The following ADGRG4 variants were observed in gnomAD, a reference collection of about 807,000 sequenced individuals.
ADGRG4 encodes adhesion G protein-coupled receptor G4.
A neutral mutation model predicts 126.2 loss-of-function variants in ADGRG4; 122 were observed. The ratio of observed to expected loss-of-function variants is 0.97; its 90% confidence interval spans 0.83 to 1.12. The LOEUF (loss-of-function observed/expected upper bound fraction) is 1.12, where lower values mean the gene tolerates loss of function less well. Ranked by LOEUF, ADGRG4 falls within the 50% of genes most tolerant of loss-of-function variation. The pLI is 0.00. For synonymous variants in ADGRG4, 943 were observed against 838.7 expected (o/e 1.12, Z -2.15); for missense variants, 2,481 against 2,251.8 (o/e 1.10, Z -2.06).
At chrX:136,379,056 A>G (rs180740853) in intron 15 of ADGRG4, among the ~76,000 whole-genome samples, 18 of 111,771 alleles carry the variant, frequency 1.6e-4, no homozygotes, top group Middle Eastern at 4.6e-3. Flanking sequence ...TTTGTGTAAC[A>G]TTGCTGTCAT....
intron 6 of ADGRG4, among the ~76,000 whole-genome samples, 173 bp from the exon 7 acceptor site, chrX:136,351,274 A>T (rs1603295507): frequency 9.0e-6 from 1 of 111,445 alleles, no homozygotes; most frequent in Admixed American, 9.5e-5. Context: ...CTGCTTTTTG[A>T]TATGGAGCCG....
At chrX:136,302,772 T>C (rs898427752) in intron 1 of ADGRG4, among the ~76,000 whole-genome samples, 3 of 112,033 alleles carry the variant, frequency 2.7e-5, no homozygotes, top group Non-Finnish European at 5.6e-5. Flanking sequence ...TAATACTTAA[T>C]AAAGCATTTA....
intron 23 of ADGRG4, among the ~76,000 whole-genome samples, chrX:136,411,267 C>A (rs987199255): frequency 8.9e-6 from 1 of 112,431 alleles, no homozygotes; most frequent in African/African-American, 3.2e-5. Context: ...CCAAGTTGGT[C>A]TTGAACTACT....
chrX:136,349,929 C>T lies in ADGRG4; in HGVS notation c.6223C>T (p.Pro2075Ser). 8.3e-7 allele frequency: 1 copy of T among 1,210,791 alleles called. No homozygotes were observed. The highest frequency in any genetic ancestry group is 1.1e-6 in the Non-Finnish European group (1 of 894,826). Reference protein sequence around the residue: ...STILTRTIPTPTLGGITTGFP... With the variant: ...STILTRTIPTSTLGGITTGFP... ...CATACTCACCCGAACCATTCCTACA[C>T]CTACACTGGGTGGTATCACTACTGG... The change falls in exon 6 of 26, where the codon CCT becomes TCT. Residue 2075 changes from proline to serine, a missense_variant. Transcript: ENST00000394143.
chrX:136,387,033 GGA>G (rs1250485832), intron 15 of ADGRG4, among the ~76,000 whole-genome samples: 1 of 111,663 alleles, frequency 9.0e-6, no homozygotes. Flanking sequence ...GCAAAGAGAG[GGA>G]GAGAGAGAAC....
At position 136,348,228 on chromosome X, in the gene ADGRG4, A is replaced by C; in HGVS notation, c.4522A>C (p.Thr1508Pro). 1 of 1,210,082 alleles carries C rather than the reference A, an allele frequency of 8.3e-7. No individual in the cohort carries two copies. Among genetic ancestry groups the C allele is most frequent in the Non-Finnish European group, 1.1e-6 (1 of 894,559 alleles). ...LPRESSMATS[T>P]PIYQMSSLPV... ...TAGAGAATCCTCTATGGCAACGTCC[A>C]CTCCTATTTACCAGATGTCCTCATT... The change falls in exon 6 of 26, where the codon ACT becomes CCT. Residue 1508 changes from threonine to proline, a missense_variant. Transcript: ENST00000394143.
chrX:136,337,418 A>G (rs2074954267), intron 5 of ADGRG4, among the ~76,000 whole-genome samples: 1 of 111,910 alleles, frequency 8.9e-6, no homozygotes, highest in South Asian at 3.7e-4. Context: ...TTTCTTTCTC[A>G]TTCTCCAAGA....
At chrX:136,373,853 T>G (rs1001713380) in intron 15 of ADGRG4, among the ~76,000 whole-genome samples, 77 of 111,089 alleles carry the variant, frequency 6.9e-4, no homozygotes, top group African/African-American at 2.4e-3. Flanking sequence ...GTGGTCCAGC[T>G]ACATGAGAGG....
chrX:136,321,143 T>C (rs1213672885), intron 4 of ADGRG4, among the ~76,000 whole-genome samples: 1 of 111,838 alleles, frequency 8.9e-6, no homozygotes, highest in Non-Finnish European at 1.9e-5. Context: ...TCACTTATTG[T>C]CTTGTGGGAT....
At position 136,361,457 on chromosome X, in the gene ADGRG4, C is replaced by T. The variant is rs2148476347; in HGVS notation, c.7147C>T (p.Pro2383Ser). The change falls in exon 12 of 26, where the codon CCT becomes TCT. Residue 2383 changes from proline (P) to serine (S), a missense_variant and splice_region_variant. Pro to Ser is a moderately conservative substitution (Grantham distance 74). Coordinates refer to ENST00000394143, the MANE Select transcript of ADGRG4 (RefSeq NM_153834.4). ...ATGTGCATACATTTTCTCTGTAGAG[C>T]CTGGAAATTGCAAAGCTGATGAAAC... ...CEHVAVKKLE[P>S]GNCKADETAS... is the part of the protein sequence containing the mutation. 1 of 1,162,339 alleles carries T rather than the reference C, an allele frequency of 8.6e-7. No individual in the cohort carries two copies. The highest frequency in any genetic ancestry group is 1.8e-5 in the African/African-American group (1 of 56,475).
In ADGRG4 at chrX:136,384,604, G is replaced by A. The variant is rs1464280140; in HGVS notation, c.7777-3136G>A. Among the ~76,000 whole-genome samples, 3 of 111,759 alleles carry A rather than the reference G, an allele frequency of 2.7e-5. No individual in the cohort carries two copies. The East Asian group carries it at 8.4e-4, about 31-fold the overall frequency. ...TTAGGATTTATTGTAGTGCAGGTCT[G>A]ATAATGATAAATTTTCTGAGTTTTT... On this transcript the variant is annotated intron_variant, in intron 15 of 25. Transcript: ENST00000394143.
intron 15 of ADGRG4, among the ~76,000 whole-genome samples, chrX:136,381,137 T>C (rs1345177623): frequency 1.8e-5 from 2 of 112,103 alleles, no homozygotes; most frequent in African/African-American, 6.5e-5. Flanking sequence ...AGTCCACAAA[T>C]TTTTATATGT....
chrX:136,408,175 C>A (rs754605133), intron 23 of ADGRG4, among the ~76,000 whole-genome samples: 24 of 111,854 alleles, frequency 2.1e-4, no homozygotes, highest in Non-Finnish European at 3.9e-4. Context: ...AAGGAAGGAG[C>A]CTGCATGGAT....
chrX:136,395,127 TAG>T (rs1283892264), intron 18 of ADGRG4, among the ~76,000 whole-genome samples: 1 of 110,940 alleles, frequency 9.0e-6, no homozygotes, highest in African/African-American at 3.3e-5. Flanking sequence ...AGTTCATGGT[TAG>T]AGTCTGTCCT....
chrX:136,324,671 A>G (rs1040452600), intron 5 of ADGRG4, among the ~76,000 whole-genome samples: 12 of 111,773 alleles, frequency 1.1e-4, no homozygotes, highest in Admixed American at 2.8e-4. Flanking sequence ...TTGATGTTCA[A>G]ATTGGCCCAG....
At chrX:136,309,594 A>C (rs1471701055) in intron 4 of ADGRG4, among the ~76,000 whole-genome samples, 2 of 111,999 alleles carry the variant, frequency 1.8e-5, no homozygotes, top group South Asian at 7.5e-4. Context: ...TTTAATTTGA[A>C]CGGTCCTCAA....
At position 136,356,151 on chromosome X, in the gene ADGRG4, A is replaced by G. The variant is rs2148473401; in HGVS notation, c.6913A>G (p.Met2305Val). Residue 2305 changes from methionine (M) to valine (V), a missense_variant, in exon 9 of 26, where the codon ATG becomes GTG. By Grantham distance (21) the Met-to-Val change is conservative. Coordinates refer to ENST00000394143, the MANE Select transcript of ADGRG4 (RefSeq NM_153834.4). ...SRDISEEEMVMDRAILEQREG... is the reference protein window; with the variant it reads ...SRDISEEEMVVDRAILEQREG... ...GGACATTTCAGAGGAAGAGATGGTC[A>G]TGGATCGAGCTATTGTAAGTAATTT... 1 of 1,185,650 alleles carries G rather than the reference A, an allele frequency of 8.4e-7. No homozygotes were observed. Among genetic ancestry groups the G allele is most frequent in the Non-Finnish European group, 1.1e-6 (1 of 875,255 alleles).
intron 14 of ADGRG4, among the ~76,000 whole-genome samples, chrX:136,372,064 G>A (rs775197262): frequency 1.8e-5 from 2 of 111,494 alleles, no homozygotes; most frequent in South Asian, 7.5e-4. Context: ...ATTCAAATTC[G>A]AATTGAATCT....
chrX:136,367,718 T>C (rs1453982439), intron 13 of ADGRG4, among the ~76,000 whole-genome samples: 3 of 112,257 alleles, frequency 2.7e-5, no homozygotes, highest in Admixed American at 9.5e-5. Flanking sequence ...ATGAATACAA[T>C]ATAAAGGAAA....
Sources: allele counts gnomAD v4.1 joint callset (sites outside exome capture counted in the v4.1 genomes callset), GRCh38; gene constraint gnomAD v4.1.1; transcripts MANE v1.5; gene names NCBI Gene and HGNC (gene_info 2026-07-23, HGNC 2026-07-21).